PPP3CA: variants seen among roughly 807,000 people sequenced by gnomAD.
PPP3CA encodes the protein CAM-PRP catalytic subunit.
PPP3CA carries 14 observed loss-of-function variants against 66.5 expected under a neutral mutation model. That is an observed-to-expected ratio of 0.21 (90% confidence interval 0.14 to 0.33). PPP3CA has a LOEUF of 0.33. Among genes scored for constraint, PPP3CA ranks in the 10% least tolerant of loss-of-function variants. The pLI is 1.00. For synonymous variants in PPP3CA, 232 were observed against 226.2 expected (o/e 1.03, Z -0.23); for missense variants, 317 against 639.5 (o/e 0.50, Z 5.44).
At chr4:101,288,128 T>C (rs565570678) in intron 1 of PPP3CA, among the ~76,000 whole-genome samples, 13 of 152,230 alleles carry the variant, frequency 8.5e-5, no homozygotes, top group African/African-American at 2.4e-4. Flanking sequence ...ACAGGTTAGA[T>C]TGCCATCACC....
chr4:101,299,106 G>GT (rs556244769), intron 1 of PPP3CA, among the ~76,000 whole-genome samples: 3,527 of 85,470 alleles, frequency 0.041, 770 homozygotes, highest in African/African-American at 0.15. Flanking sequence ...GCCATATATC[G>GT]TTTTTTTTTT....
chr4:101,108,747 C>T (rs561935868), intron 3 of PPP3CA, among the ~76,000 whole-genome samples: 1 of 152,226 alleles, frequency 6.6e-6, no homozygotes, highest in African/African-American at 2.4e-5. Flanking sequence ...CCAGCCTGGG[C>T]GACAGAGTGA....
intron 2 of PPP3CA, among the ~76,000 whole-genome samples, chr4:101,120,292 T>A (rs1206449324): frequency 6.6e-6 from 1 of 152,106 alleles, no homozygotes; most frequent in African/African-American, 2.4e-5. Flanking sequence ...GACGTTTCAC[T>A]TGTGCTGCAT....
intron 2 of PPP3CA, among the ~76,000 whole-genome samples, chr4:101,174,060 T>TAAAC (rs773319849): frequency 6.7e-5 from 10 of 150,352 alleles, no homozygotes; most frequent in South Asian, 2.1e-4. Flanking sequence ...TTAAAACAAA[T>TAAAC]AAACAAACAA....
intron 3 of PPP3CA, among the ~76,000 whole-genome samples, chr4:101,103,227 TAAAAA>T (rs561065376): frequency 2.4e-4 from 36 of 152,164 alleles, no homozygotes; most frequent in African/African-American, 8.7e-4. Flanking sequence ...AGCAAGGAAG[TAAAAA>T]AGAAAATGGA....
intron 10 of PPP3CA, among the ~76,000 whole-genome samples, chr4:101,051,924 A>G (rs772541781): frequency 6.6e-6 from 1 of 152,110 alleles, no homozygotes; most frequent in Admixed American, 6.6e-5. Flanking sequence ...AATACAGTGT[A>G]AAATCTGGAG....
chr4:101,071,827 T>C (rs1259854850), intron 8 of PPP3CA, among the ~76,000 whole-genome samples: 2 of 152,196 alleles, frequency 1.3e-5, no homozygotes, highest in Non-Finnish European at 2.9e-5. Flanking sequence ...CTTAACTAAA[T>C]TTACAATTAG....
At chr4:101,066,765 C>A (rs575127964) in intron 8 of PPP3CA, among the ~76,000 whole-genome samples, 2 of 152,218 alleles carry the variant, frequency 1.3e-5, no homozygotes, top group Admixed American at 1.3e-4. Flanking sequence ...CCTCCCACAT[C>A]CTCCGCCCCT....
At chr4:101,345,395 T>C (rs1421773197) in intron 1 of PPP3CA, among the ~76,000 whole-genome samples, 1 of 152,208 alleles carries the variant, frequency 6.6e-6, no homozygotes, top group African/African-American at 2.4e-5. Context: ...TAAGTGCTCA[T>C]GGTGCAAACG....
intron 2 of PPP3CA, among the ~76,000 whole-genome samples, chr4:101,134,389 A>T (rs979354170): frequency 1.3e-5 from 2 of 152,222 alleles, no homozygotes; most frequent in African/African-American, 4.8e-5. Flanking sequence ...TAAATTTACA[A>T]GAAAAAAACA....
At chr4:101,208,231 TCACACA>T (rs3840151) in intron 1 of PPP3CA, among the ~76,000 whole-genome samples, 4 of 151,386 alleles carry the variant, frequency 2.6e-5, no homozygotes, top group East Asian at 3.9e-4. Context: ...TGAAAAGTAA[TCACACA>T]CACACACACA....
intron 1 of PPP3CA, among the ~76,000 whole-genome samples, chr4:101,324,534 A>G (rs1729152486): frequency 6.6e-6 from 1 of 152,242 alleles, no homozygotes; most frequent in Non-Finnish European, 1.5e-5. Flanking sequence ...ATGCACAAAC[A>G]GAAGAACATT....
chr4:101,199,399 C>T (rs548373619), intron 1 of PPP3CA, among the ~76,000 whole-genome samples: 4 of 152,280 alleles, frequency 2.6e-5, no homozygotes, highest in African/African-American at 9.6e-5. Flanking sequence ...AGAGAAATTA[C>T]GTTTGTGCAC....
chr4:101,206,700 A>T (rs1312759384), intron 1 of PPP3CA, among the ~76,000 whole-genome samples: 1 of 152,198 alleles, frequency 6.6e-6, no homozygotes, highest in African/African-American at 2.4e-5. Context: ...CTGGCATTTG[A>T]TATGTGTTTT....
At chr4:101,118,979 TA>T (rs1363468024) in intron 2 of PPP3CA, among the ~76,000 whole-genome samples, 2 of 145,628 alleles carry the variant, frequency 1.4e-5, no homozygotes, top group African/African-American at 5.0e-5. Context: ...TTTTTTTTTT[TA>T]AACAATGAAG....
At chr4:101,182,537 T>A (rs1724273299) in intron 2 of PPP3CA, among the ~76,000 whole-genome samples, 1 of 152,130 alleles carries the variant, frequency 6.6e-6, no homozygotes, top group African/African-American at 2.4e-5. Context: ...CTCGGATGTA[T>A]CTCAAGTTAG....
intron 1 of PPP3CA, among the ~76,000 whole-genome samples, chr4:101,260,545 C>G (rs1014168456): frequency 6.6e-6 from 1 of 152,064 alleles, no homozygotes; most frequent in African/African-American, 2.4e-5. Flanking sequence ...TCTAAATAAG[C>G]CTTTATATTA....
chr4:101,302,898 T>C (rs1728424267), intron 1 of PPP3CA, among the ~76,000 whole-genome samples: 1 of 152,212 alleles, frequency 6.6e-6, no homozygotes, highest in Admixed American at 6.5e-5. Flanking sequence ...GGCAGAGTTA[T>C]TAACAAAGCA....
intron 1 of PPP3CA, among the ~76,000 whole-genome samples, chr4:101,291,689 G>A (rs746426197): frequency 6.6e-6 from 1 of 152,210 alleles, no homozygotes; most frequent in Non-Finnish European, 1.5e-5. Flanking sequence ...ATGAATATCT[G>A]TAATAGCAAA....
Sources: allele counts gnomAD v4.1 joint callset (sites outside exome capture counted in the v4.1 genomes callset), GRCh38; gene constraint gnomAD v4.1.1; transcripts MANE v1.5; gene names NCBI Gene and HGNC (gene_info 2026-07-23, HGNC 2026-07-21).